GRIP2: variants seen among roughly 807,000 people sequenced by gnomAD.
GRIP2 encodes the protein glutamate receptor interacting protein 2, also known as glutamate receptor-interacting protein 2.
Under a neutral mutation model 108.3 loss-of-function variants are expected in GRIP2, and 58 were observed. That is an observed-to-expected ratio of 0.54 (90% CI 0.43 to 0.67). GRIP2 has a LOEUF of 0.67. Ranked by LOEUF, GRIP2 falls within the 30% of genes least tolerant of loss-of-function variation. The pLI is 0.00. For missense variants in GRIP2, 1,278 were observed against 1,430.6 expected, an observed-to-expected ratio of 0.89 and a Z score of 1.72; for synonymous variants, 586 against 598.2, an observed-to-expected ratio of 0.98 and a Z score of 0.30.
chr3:14,571,600 A>G, the GRIP2 span, among the ~76,000 whole-genome samples: 3 of 152,202 alleles, frequency 2.0e-5, no homozygotes, highest in Non-Finnish European at 4.4e-5. Context: ...CCTGAGGTTA[A>G]GTAAAGTGGT....
chr3:14,578,458 T>G, the GRIP2 span, among the ~76,000 whole-genome samples: 3,704 of 152,286 alleles, frequency 0.024, 180 homozygotes, highest in African/African-American at 0.084. Context: ...GGCCCACGTC[T>G]GTAATCCTAG....
In GRIP2 at chr3:14,522,865, A is replaced by G; in HGVS notation, c.566+135T>C. On this transcript the variant is annotated intron_variant, in intron 6 of 23. Coordinates refer to ENST00000621039, the MANE Select transcript of GRIP2 (RefSeq NM_001080423.4). This position sits in a 1 kb window ranked among gnomAD's most constrained non-coding sequence, Gnocchi z 4.3. The stretch of plus-strand genomic sequence containing the variant: ...TTCCATCAACAACTCCCTGAATGAC[A>G]CCGGGCAGGGAGTGTTCCCTCAGGG... 1.4e-6 allele frequency: 1 copy of G among 721,128 alleles called. No homozygotes were observed. The highest frequency in any genetic ancestry group is 2.3e-5 in the Admixed American group (1 of 44,084). The allele number at this position is 721,128 out of a possible 1,614,324, so 44.7% of individuals were successfully genotyped here. A position where few individuals can be genotyped will look rare whatever the true frequency, so the allele number is the denominator to read the frequency against.
chr3:14,516,006 T>G (rs1290036485), intron 11 of GRIP2, among the ~76,000 whole-genome samples: 1 of 152,134 alleles, frequency 6.6e-6, no homozygotes, highest in Non-Finnish European at 1.5e-5. Context: ...TTAATTATAA[T>G]TAATTAATAA....
chr3:14,594,571 G>A, the GRIP2 span, among the ~76,000 whole-genome samples: 7 of 152,340 alleles, frequency 4.6e-5, no homozygotes, highest in East Asian at 1.4e-3. Context: ...CCTGGGGAGG[G>A]AGAGGAGCTC....
the GRIP2 span, chr3:14,573,917 G>T: frequency 8.9e-7 from 1 of 1,124,962 alleles, no homozygotes; most frequent in African/African-American, 1.5e-5. Flanking sequence ...GCATGCAGCA[G>T]GCCGAGTGCT....
the GRIP2 span, among the ~76,000 whole-genome samples, chr3:14,568,308 C>A: frequency 6.6e-6 from 1 of 152,082 alleles, no homozygotes; most frequent in Admixed American, 6.5e-5. Context: ...TAATAGACAC[C>A]GGGACGTGGA....
the GRIP2 span, chr3:14,573,816 G>A: frequency 1.3e-4 from 205 of 1,536,338 alleles, 1 homozygote; most frequent in Middle Eastern, 2.6e-3. Flanking sequence ...AAGCTCTGGG[G>A]CGCTGGAATG....
At chr3:14,541,426 C>T (rs1230868670), upstream of GRIP2, among the ~76,000 whole-genome samples, 1 of 152,226 alleles carries the variant, frequency 6.6e-6, no homozygotes, top group Non-Finnish European at 1.5e-5. Flanking sequence ...ATATTTCTTC[C>T]ATGTGCCCTG....
chr3:14,574,091 C>G, the GRIP2 span: 1 of 1,276,262 alleles, frequency 7.8e-7, no homozygotes, highest in African/African-American at 1.5e-5. Flanking sequence ...AGTGGTTCCA[C>G]AGAATCGAGT....
At chr3:14,563,269 G>A in the GRIP2 span, among the ~76,000 whole-genome samples, 8 of 151,920 alleles carry the variant, frequency 5.3e-5, no homozygotes, top group Admixed American at 5.2e-4. Flanking sequence ...TGGAGATACA[G>A]ATGAAACAAA....
In GRIP2 at chr3:14,517,068, G is replaced by C; in HGVS notation, c.1302C>G (p.Ser434Arg). 1 of 1,564,526 alleles carries C rather than the reference G, an allele frequency of 6.4e-7. No homozygotes were observed. Residue 434 changes from serine to arginine, a missense_variant, in exon 11 of 24, where the codon AGC (serine) becomes AGG (arginine). Transcript: ENST00000621039. ...RRRQRRREHK[S>R]SLSLASSTVG... is the part of the protein sequence containing the mutation. ...AGGGAAGAGACCACAGCTTACACGA[G>C]CTCTTGTGTTCCCTTCTTCGCTGCC... is the stretch of plus-strand genomic sequence containing the variant.
At chr3:14,548,885 C>G (rs1048211133) in intron 1 of GRIP2, among the ~76,000 whole-genome samples, 1 of 152,200 alleles carries the variant, frequency 6.6e-6, no homozygotes. Flanking sequence ...CAGACTCTTC[C>G]CTTTGCCTGG....
At position 14,489,239 on chromosome 3, in the gene GRIP2, G is replaced by C. The variant is rs1389269077; in HGVS notation, c.*4426C>G. 1 of 152,238 alleles carries C rather than the reference G, an allele frequency of 6.6e-6. No homozygotes were observed. The highest frequency in any genetic ancestry group is 2.4e-5 in the African/African-American group (1 of 41,304). 9.4% of individuals were successfully genotyped at this position (152,238 alleles called of 1,614,324 possible). Reference sequence around the variant, plus strand: ...TTTTGCAGGGGTTTTTTTCTCTTTTGCTTTTTAGATAAATATGTATATCAA... The same window carrying C: ...TTTTGCAGGGGTTTTTTTCTCTTTTCCTTTTTAGATAAATATGTATATCAA... On this transcript the variant is annotated 3_prime_UTR_variant, in exon 24 of 24. Coordinates refer to ENST00000621039, the MANE Select transcript of GRIP2 (RefSeq NM_001080423.4).
the GRIP2 span, chr3:14,573,181 G>A: frequency 4.2e-6 from 6 of 1,423,494 alleles, no homozygotes; most frequent in Non-Finnish European, 5.9e-6. Flanking sequence ...AAGAAGGCAT[G>A]CCAGGGCCGC....
At chr3:14,533,646 G>A (rs759191628) in intron 1 of GRIP2, among the ~76,000 whole-genome samples, 8 of 152,120 alleles carry the variant, frequency 5.3e-5, no homozygotes, top group Non-Finnish European at 1.2e-4. Flanking sequence ...CTGGGTCTCC[G>A]TGGTGCCCTC....
chr3:14,496,684 C>G (rs1693612789), intron 21 of GRIP2, 124 bp from the exon 22 acceptor site: 1 of 1,342,924 alleles, frequency 7.4e-7, no homozygotes, highest in African/African-American at 1.5e-5. Flanking sequence ...CAGACATGGT[C>G]CCTGCCCATT....
the GRIP2 span, among the ~76,000 whole-genome samples, chr3:14,593,835 C>A: frequency 1.3e-5 from 2 of 152,226 alleles, no homozygotes; most frequent in Non-Finnish European, 2.9e-5. Flanking sequence ...TGTGACAACA[C>A]AAAGACACCC....
chr3:14,516,776 C>T (rs1382227142), intron 11 of GRIP2, among the ~76,000 whole-genome samples: 1 of 152,062 alleles, frequency 6.6e-6, no homozygotes, highest in African/African-American at 2.4e-5. Context: ...AAAAGACTTC[C>T]TTTCCTCAAG....
the GRIP2 span, among the ~76,000 whole-genome samples, chr3:14,591,000 T>G: frequency 6.6e-6 from 1 of 152,184 alleles, no homozygotes; most frequent in South Asian, 2.1e-4. Context: ...ATCTCTGCCC[T>G]CCACAATCTG....
Sources: allele counts gnomAD v4.1 joint callset (sites outside exome capture counted in the v4.1 genomes callset), GRCh38; gene constraint gnomAD v4.1.1; non-coding constraint Gnocchi (gnomAD v3.1); transcripts MANE v1.5; gene names NCBI Gene and HGNC (gene_info 2026-07-23, HGNC 2026-07-21).